AKAP19: variants seen among roughly 807,000 people sequenced by gnomAD.
AKAP19 encodes A-kinase anchoring protein 19, also known as small A-kinase anchoring protein.
the AKAP19 span, among the ~76,000 whole-genome samples, chr2:190,196,890 C>G: frequency 6.6e-6 from 1 of 152,112 alleles, no homozygotes; most frequent in African/African-American, 2.4e-5. Context: ...ATACCAGAGA[C>G]TAGTATGGAG....
At chr2:190,027,509 T>A in the AKAP19 span, among the ~76,000 whole-genome samples, 1 of 152,196 alleles carries the variant, frequency 6.6e-6, no homozygotes, top group African/African-American at 2.4e-5. Flanking sequence ...CATGTACATA[T>A]AAGTCTGCCA....
At chr2:190,098,918 G>C in the AKAP19 span, among the ~76,000 whole-genome samples, 1 of 152,150 alleles carries the variant, frequency 6.6e-6, no homozygotes, top group Non-Finnish European at 1.5e-5. Flanking sequence ...AGCAGCCTCT[G>C]CTAGCTTTAA....
chr2:189,921,908 A>G, the AKAP19 span, among the ~76,000 whole-genome samples: 1 of 152,340 alleles, frequency 6.6e-6, no homozygotes, highest in Middle Eastern at 3.4e-3. Context: ...CTCTGGGGAA[A>G]GGGTGATAGT....
At chr2:189,928,926 C>T in the AKAP19 span, among the ~76,000 whole-genome samples, 7,153 of 152,044 alleles carry the variant, frequency 0.047, 247 homozygotes, top group Non-Finnish European at 0.076. Flanking sequence ...AAAAGTAGGT[C>T]ACCTAGGAGT....
chr2:189,893,863 C>A, the AKAP19 span, among the ~76,000 whole-genome samples: 2 of 152,278 alleles, frequency 1.3e-5, no homozygotes, highest in East Asian at 3.9e-4. Flanking sequence ...GGGACTTTAG[C>A]ATCTGTGGGT....
At chr2:189,988,219 AC>A in the AKAP19 span, among the ~76,000 whole-genome samples, 2 of 152,166 alleles carry the variant, frequency 1.3e-5, no homozygotes, top group African/African-American at 4.8e-5. Flanking sequence ...TACTGATGTT[AC>A]CTTCAAGAAA....
the AKAP19 span, among the ~76,000 whole-genome samples, chr2:189,901,957 AAC>A: frequency 6.6e-6 from 1 of 152,158 alleles, no homozygotes; most frequent in African/African-American, 2.4e-5. Context: ...ATATGAATAA[AAC>A]ACATATATCA....
the AKAP19 span, chr2:189,923,253 C>G: frequency 2.1e-6 from 3 of 1,396,738 alleles, no homozygotes; most frequent in East Asian, 2.3e-5. Flanking sequence ...ACGCAGAACC[C>G]GGGAGTAGGA....
chr2:189,903,774 C>T, the AKAP19 span, among the ~76,000 whole-genome samples: 1 of 151,872 alleles, frequency 6.6e-6, no homozygotes, highest in Non-Finnish European at 1.5e-5. Flanking sequence ...AAGTAGTTTT[C>T]CAACCCATGT....
chr2:190,059,802 A>G, the AKAP19 span, among the ~76,000 whole-genome samples: 4 of 151,908 alleles, frequency 2.6e-5, no homozygotes, highest in African/African-American at 9.7e-5. Flanking sequence ...TTCCCAATTC[A>G]AAAGGACTTC....
At chr2:190,037,945 A>G in the AKAP19 span, among the ~76,000 whole-genome samples, 4 of 152,176 alleles carry the variant, frequency 2.6e-5, no homozygotes, top group African/African-American at 9.7e-5. Flanking sequence ...GATTCCACCC[A>G]TATGAAGTAT....
At chr2:190,157,144 G>C in the AKAP19 span, among the ~76,000 whole-genome samples, 94 of 152,154 alleles carry the variant, frequency 6.2e-4, 1 homozygote, top group Admixed American at 1.6e-3. Context: ...TATGTGGTAG[G>C]TGGTAATAAT....
chr2:190,123,736 A>C, the AKAP19 span, among the ~76,000 whole-genome samples: 1 of 152,188 alleles, frequency 6.6e-6, no homozygotes, highest in Non-Finnish European at 1.5e-5. Context: ...AACCTGGATT[A>C]AGAAAAATCT....
At chr2:190,042,594 G>T in the AKAP19 span, among the ~76,000 whole-genome samples, 3 of 151,974 alleles carry the variant, frequency 2.0e-5, no homozygotes. Context: ...AATTCTTTCA[G>T]TTGTGAAGTT....
chr2:189,895,554 G>C, the AKAP19 span, among the ~76,000 whole-genome samples: 2 of 151,964 alleles, frequency 1.3e-5, no homozygotes, highest in Non-Finnish European at 2.9e-5. Flanking sequence ...ACTTTATTTA[G>C]CTCTCTTTTT....
the AKAP19 span, among the ~76,000 whole-genome samples, chr2:190,136,132 G>A: frequency 1.3e-5 from 2 of 152,186 alleles, no homozygotes; most frequent in African/African-American, 4.8e-5. Flanking sequence ...ATATATGGGT[G>A]TCTACTATGT....
the AKAP19 span, among the ~76,000 whole-genome samples, chr2:190,115,388 C>T: frequency 8.9e-6 from 1 of 112,486 alleles, no homozygotes; most frequent in African/African-American, 3.5e-5. Flanking sequence ...GGCGCAATCT[C>T]GGCTCACTGC....
the AKAP19 span, among the ~76,000 whole-genome samples, chr2:190,138,751 C>A: frequency 1.3e-5 from 2 of 152,228 alleles, no homozygotes; most frequent in African/African-American, 4.8e-5. Flanking sequence ...TTTGTCCATA[C>A]CTCATAAGCC....
the AKAP19 span, among the ~76,000 whole-genome samples, chr2:189,912,632 C>T: frequency 1.3e-5 from 2 of 152,148 alleles, no homozygotes; most frequent in Admixed American, 1.3e-4. Context: ...ATATAAACAA[C>T]TCAAATTGAT....
Sources: gnomAD v4.1 joint callset for allele counts (sites outside exome capture counted in the v4.1 genomes callset) on GRCh38, gnomAD v4.1.1 for gene constraint, MANE v1.5 for transcripts, NCBI Gene and HGNC (gene_info 2026-07-23, HGNC 2026-07-21) for gene names.